SLC13A3: variants seen among roughly 807,000 people sequenced by gnomAD.
The protein encoded by SLC13A3 is Na(+)/dicarboxylate cotransporter 3.
A neutral mutation model predicts 59.0 loss-of-function variants in SLC13A3; 40 were observed. That is an observed-to-expected ratio of 0.68 (90% CI 0.53 to 0.88). The LOEUF is 0.88. SLC13A3 is among the 40% of genes least tolerant of loss of function. The pLI is 0.00. For synonymous variants in SLC13A3, 317 were observed against 330.3 expected, an observed-to-expected ratio of 0.96 and a Z score of 0.44; for missense variants, 699 against 783.2, an observed-to-expected ratio of 0.89 and a Z score of 1.28.
At chr20:46,590,786 C>T (rs2122674226) in intron 6 of SLC13A3, among the ~76,000 whole-genome samples, 1 of 152,036 alleles carries the variant, frequency 6.6e-6, no homozygotes, top group African/African-American at 2.4e-5. Flanking sequence ...TCCAGAAATC[C>T]CACTTCTGGA....
At chr20:46,677,650 G>T (rs1188502814) in intron 1 of SLC13A3, among the ~76,000 whole-genome samples, 1 of 152,140 alleles carries the variant, frequency 6.6e-6, no homozygotes, top group Non-Finnish European at 1.5e-5. Flanking sequence ...GTGAGGCCCT[G>T]GGGAAGATAC....
chr20:46,634,573 A>C (rs564491464), intron 1 of SLC13A3, among the ~76,000 whole-genome samples: 7 of 150,842 alleles, frequency 4.6e-5, no homozygotes, highest in African/African-American at 1.5e-4. Flanking sequence ...CCCTGGACTC[A>C]TTAGTGGATG....
intron 9 of SLC13A3, among the ~76,000 whole-genome samples, chr20:46,581,490 C>G (rs2062137318): frequency 6.6e-6 from 1 of 152,226 alleles, no homozygotes; most frequent in Non-Finnish European, 1.5e-5. Flanking sequence ...AACAGAGAGG[C>G]TGTATGACAC....
intron 3 of SLC13A3, among the ~76,000 whole-genome samples, chr20:46,606,083 C>T (rs987894617): frequency 1.3e-5 from 2 of 152,160 alleles, no homozygotes; most frequent in Admixed American, 1.3e-4. Flanking sequence ...GTCTTAGGTG[C>T]ACAAGACTGC....
In SLC13A3 at chr20:46,630,548, C is replaced by T. The variant is rs187946580; in HGVS notation, c.112-16823G>A. 1.5e-3 allele frequency among the ~76,000 whole-genome samples: 232 copies of T among 152,282 alleles called. 2 individuals are homozygous for T. Among genetic ancestry groups the T allele is most frequent in the African/African-American group, 4.3e-3 (178 of 41,566 alleles). On this transcript the variant is annotated intron_variant, in intron 1 of 12. Transcript: ENST00000279027. ...TTGTCAGCTCTTCTTCATATGCTGG[C>T]GAGGTGGGATTGTGGTCTTTCCTTC... is the stretch of plus-strand genomic sequence containing the variant.
chr20:46,642,912 C>T (rs1487677150), intron 1 of SLC13A3, among the ~76,000 whole-genome samples: 1 of 152,194 alleles, frequency 6.6e-6, no homozygotes, highest in Non-Finnish European at 1.5e-5. Flanking sequence ...CCGCCATCTG[C>T]CAGCCTAATG....
At chr20:46,666,976 A>G (rs1344842667) in intron 1 of SLC13A3, among the ~76,000 whole-genome samples, 1 of 151,990 alleles carries the variant, frequency 6.6e-6, no homozygotes, top group Admixed American at 6.6e-5. Context: ...CAAAATCTGA[A>G]ATTTGGGAGA....
upstream of SLC13A3, among the ~76,000 whole-genome samples, chr20:46,652,338 C>T (rs184314568): frequency 3.9e-5 from 6 of 152,240 alleles, no homozygotes; most frequent in Admixed American, 3.9e-4. Context: ...TCTGGCAGAG[C>T]AGGTGCTCAA....
At chr20:46,654,472 C>A (rs995756275), upstream of SLC13A3, among the ~76,000 whole-genome samples, 1 of 152,192 alleles carries the variant, frequency 6.6e-6, no homozygotes, top group Non-Finnish European at 1.5e-5. Flanking sequence ...TCAATATTTT[C>A]TCTACATACA....
intron 1 of SLC13A3, among the ~76,000 whole-genome samples, chr20:46,661,627 C>G (rs1054773401): frequency 6.6e-6 from 1 of 152,174 alleles, no homozygotes; most frequent in African/African-American, 2.4e-5. Context: ...TCCTGCCCCC[C>G]ATTTCCTGCA....
At chr20:46,570,299 A>G (rs1426717432) in intron 10 of SLC13A3, among the ~76,000 whole-genome samples, 4 of 152,242 alleles carry the variant, frequency 2.6e-5, no homozygotes, top group Non-Finnish European at 4.4e-5. Context: ...CACTCTTCTA[A>G]GTAATTTGTA....
At chr20:46,659,932 G>A (rs1381317710) in intron 1 of SLC13A3, among the ~76,000 whole-genome samples, 4 of 152,126 alleles carry the variant, frequency 2.6e-5, no homozygotes, top group Non-Finnish European at 5.9e-5. Flanking sequence ...TGAGCCAGCT[G>A]TAGAACTGAT....
Position 46,596,208 on chromosome 20 carries a change from G to T in SLC13A3, c.743C>A (p.Ala248Asp). The change falls in exon 5 of 13, where the codon GCC becomes GAC. Residue 248 changes from alanine to aspartate, a missense_variant. Transcript: ENST00000279027. ...GTTAGGGGCTGTGCCCGTGAGTGTG[G>T]CTGTGCCCCCAATACTGGCTGAGTA... is the stretch of plus-strand genomic sequence containing the variant. Reference protein sequence around the residue: ...IPYSASIGGTATLTGTAPNLI... With the variant: ...IPYSASIGGTDTLTGTAPNLI... 6.2e-7 allele frequency: 1 copy of T among 1,614,114 alleles called. No individual in the cohort carries two copies. The highest frequency in any genetic ancestry group is 1.3e-5 in the African/African-American group (1 of 75,030).
chr20:46,647,101 G>A (rs776901829), intron 1 of SLC13A3, among the ~76,000 whole-genome samples: 62 of 152,068 alleles, frequency 4.1e-4, no homozygotes, highest in Admixed American at 2.6e-4. Context: ...CCCTTCCTCA[G>A]GTGGATCCAG....
intron 1 of SLC13A3, among the ~76,000 whole-genome samples, chr20:46,624,261 C>A (rs531667374): frequency 6.6e-6 from 1 of 152,350 alleles, no homozygotes; most frequent in South Asian, 2.1e-4. Flanking sequence ...GCAATAGCAA[C>A]AACAATCACT....
At chr20:46,601,797 G>T (rs1205344467) in intron 3 of SLC13A3, among the ~76,000 whole-genome samples, 5 of 152,214 alleles carry the variant, frequency 3.3e-5, no homozygotes, top group Non-Finnish European at 5.9e-5. Flanking sequence ...AGGCCCTGGG[G>T]TGGGAGCACA....
At chr20:46,617,906 G>A (rs2062577271) in intron 1 of SLC13A3, among the ~76,000 whole-genome samples, 1 of 152,086 alleles carries the variant, frequency 6.6e-6, no homozygotes, top group African/African-American at 2.4e-5. Flanking sequence ...AAGAAGGAAT[G>A]CCCCATGTAT....
intron 4 of SLC13A3, among the ~76,000 whole-genome samples, chr20:46,599,582 G>C (rs1048006913): frequency 3.3e-5 from 5 of 152,232 alleles, no homozygotes; most frequent in Admixed American, 3.3e-4. Flanking sequence ...GTAGGGTGAA[G>C]GGCTGTTATT....
chr20:46,615,582 G>A (rs897225375), intron 1 of SLC13A3, among the ~76,000 whole-genome samples: 2 of 152,200 alleles, frequency 1.3e-5, no homozygotes, highest in African/African-American at 4.8e-5. Context: ...CAGCTTGGCT[G>A]ATAGATCTGT....
Sources: gnomAD v4.1 joint callset for allele counts (sites outside exome capture counted in the v4.1 genomes callset) on GRCh38, gnomAD v4.1.1 for gene constraint, MANE v1.5 for transcripts, NCBI Gene and HGNC (gene_info 2026-07-23, HGNC 2026-07-21) for gene names.